The following STXBP5L variants were observed in gnomAD, a reference collection of about 807,000 sequenced individuals.
The protein encoded by STXBP5L is syntaxin binding protein 5L.
Under a neutral mutation model 144.5 loss-of-function variants are expected in STXBP5L, and 65 were observed. The observed-to-expected ratio is 0.45, with a 90% CI of 0.37 to 0.55. STXBP5L has a LOEUF of 0.55. Among genes scored for constraint, STXBP5L ranks in the 20% least tolerant of loss-of-function variants. STXBP5L has a pLI of 0.00. For synonymous variants in STXBP5L, 505 were observed against 469.6 expected, an observed-to-expected ratio of 1.08 and a Z score of -0.97; for missense variants, 1,298 against 1,405.5, an observed-to-expected ratio of 0.92 and a Z score of 1.22.
intron 3 of STXBP5L, among the ~76,000 whole-genome samples, chr3:121,018,617 A>G (rs1945313497): frequency 6.6e-6 from 1 of 152,148 alleles, no homozygotes; most frequent in African/African-American, 2.4e-5. Context: ...GTAAAACACA[A>G]AATTATAAAA....
At chr3:120,933,679 G>A (rs1283358982) in intron 2 of STXBP5L, among the ~76,000 whole-genome samples, 1 of 152,086 alleles carries the variant, frequency 6.6e-6, no homozygotes, top group Non-Finnish European at 1.5e-5. Flanking sequence ...GTATTTACTT[G>A]CTTTCATGTG....
intron 18 of STXBP5L, among the ~76,000 whole-genome samples, chr3:121,277,898 G>C (rs2050935055): frequency 6.6e-6 from 1 of 152,018 alleles, no homozygotes; most frequent in African/African-American, 2.4e-5. Context: ...CCTTGTGTGA[G>C]CTCTGGGAAT....
At chr3:121,240,617 G>A in intron 14 of STXBP5L, 110 bp downstream of exon 14, 1 of 992,472 alleles carries the variant, frequency 1.0e-6, no homozygotes, top group Non-Finnish European at 1.5e-6. Context: ...TTAAGTAAAA[G>A]TAAAAATATA....
chr3:121,043,975 A>C (rs1481094635), intron 4 of STXBP5L, among the ~76,000 whole-genome samples: 1 of 152,196 alleles, frequency 6.6e-6, no homozygotes, highest in East Asian at 1.9e-4. Flanking sequence ...AGTGTAACTC[A>C]TCAAATGCTT....
At chr3:120,938,553 C>T (rs936768794) in intron 2 of STXBP5L, among the ~76,000 whole-genome samples, 1 of 152,164 alleles carries the variant, frequency 6.6e-6, no homozygotes, top group Non-Finnish European at 1.5e-5. Flanking sequence ...TGGTTATTAT[C>T]CTGTGGTTCC....
intron 22 of STXBP5L, among the ~76,000 whole-genome samples, chr3:121,386,074 C>T (rs1576332372): frequency 6.6e-6 from 1 of 152,050 alleles, no homozygotes; most frequent in African/African-American, 2.4e-5. Context: ...GAAATTCACA[C>T]ATTTTATCTC....
chr3:120,919,066 A>G (rs1045693693), intron 2 of STXBP5L, among the ~76,000 whole-genome samples: 3 of 152,152 alleles, frequency 2.0e-5, no homozygotes, highest in Non-Finnish European at 2.9e-5. Context: ...ACTATAGGAT[A>G]GGCTTTGCTG....
Position 121,259,115 on chromosome 3 carries a change from T to C in STXBP5L, c.1905T>C (p.Asp635=). The C allele has an allele frequency of 6.2e-7, 1 of 1,605,256 alleles. No individual in the cohort carries two copies. Among genetic ancestry groups the C allele is most frequent in the Non-Finnish European group, 8.5e-7 (1 of 1,174,890 alleles). The change falls in exon 18 of 27, where the codon GAT becomes GAC. Residue 635 remains aspartate (D), a synonymous_variant. Transcript: ENST00000471454. ...TTGTTATTCAATTGGTGTGGGTAGA[T>C]GGTGAACCTCCACAACAGATTACTA... ...AELVIQLVWV[D]GEPPQQITSL... is the part of the protein sequence containing the mutation.
intron 19 of STXBP5L, among the ~76,000 whole-genome samples, chr3:121,310,201 C>T (rs887689492): frequency 6.6e-6 from 1 of 152,180 alleles, no homozygotes; most frequent in African/African-American, 2.4e-5. Context: ...AGAATAATAT[C>T]TTCATGATCA....
intron 3 of STXBP5L, among the ~76,000 whole-genome samples, chr3:120,970,999 A>G (rs9859729): frequency 0.099 from 15,071 of 152,102 alleles, 1,162 homozygotes; most frequent in Admixed American, 0.2. Context: ...ACCAAATGTT[A>G]GACATTGCCC....
At chr3:121,401,393 G>A (rs867703302) in intron 22 of STXBP5L, among the ~76,000 whole-genome samples, 2 of 150,232 alleles carry the variant, frequency 1.3e-5, no homozygotes, top group Non-Finnish European at 1.5e-5. Context: ...CCCATTACTG[G>A]GTATATACCC....
At chr3:120,967,623 T>G (rs954200529) in intron 3 of STXBP5L, among the ~76,000 whole-genome samples, 2 of 152,206 alleles carry the variant, frequency 1.3e-5, no homozygotes, top group African/African-American at 4.8e-5. Flanking sequence ...GTTTATTATT[T>G]CTTTCCTTCT....
chr3:121,171,887 T>C (rs528672237), intron 9 of STXBP5L, among the ~76,000 whole-genome samples: 1 of 152,318 alleles, frequency 6.6e-6, no homozygotes, highest in Admixed American at 6.5e-5. Context: ...AGAGCCTGTA[T>C]AGCCAAGACA....
chr3:121,371,713 G>A (rs1333575604), intron 20 of STXBP5L, among the ~76,000 whole-genome samples: 1 of 152,226 alleles, frequency 6.6e-6, no homozygotes, highest in Non-Finnish European at 1.5e-5. Context: ...ACCGGTGGGT[G>A]CTGTGTGTGC....
At chr3:121,163,584 T>A (rs2046397414) in intron 9 of STXBP5L, among the ~76,000 whole-genome samples, 1 of 151,804 alleles carries the variant, frequency 6.6e-6, no homozygotes, top group African/African-American at 2.4e-5. Context: ...GAGCTTAAAA[T>A]TTAATAAACA....
At chr3:121,113,964 G>C (rs111589677) in intron 5 of STXBP5L, among the ~76,000 whole-genome samples, 2 of 151,972 alleles carry the variant, frequency 1.3e-5, no homozygotes, top group Non-Finnish European at 2.9e-5. Context: ...GAGCCACCGC[G>C]CCTGGCCTTT....
At chr3:121,133,439 G>A (rs1034551235) in intron 7 of STXBP5L, among the ~76,000 whole-genome samples, 1 of 152,114 alleles carries the variant, frequency 6.6e-6, no homozygotes, top group African/African-American at 2.4e-5. Flanking sequence ...ACAGTTTTTA[G>A]CAGAAAAATT....
Position 121,238,952 on chromosome 3 carries a change from T to C in STXBP5L, c.1185-19T>C, listed in dbSNP as rs1266458201. 3.9e-6 allele frequency: 6 copies of C among 1,542,668 alleles called. No homozygotes were observed. The highest frequency in any genetic ancestry group is 5.3e-6 in the Non-Finnish European group (6 of 1,131,384). The stretch of plus-strand genomic sequence containing the variant: ...TTTTCTTTGTAAAATAACACTGATA[T>C]ATTGTCTTTATCTATTAGTTTTCCA... On this transcript the variant is annotated intron_variant, in intron 12 of 26. Coordinates refer to ENST00000471454, the MANE Select transcript of STXBP5L (RefSeq NM_001308330.2).
intron 5 of STXBP5L, among the ~76,000 whole-genome samples, chr3:121,106,389 A>G (rs918084168): frequency 1.7e-4 from 26 of 152,168 alleles, no homozygotes; most frequent in African/African-American, 6.3e-4. Context: ...GCTATTTATT[A>G]TGACACTTTC....
Sources: allele counts gnomAD v4.1 joint callset (sites outside exome capture counted in the v4.1 genomes callset), GRCh38; gene constraint gnomAD v4.1.1; transcripts MANE v1.5; gene names NCBI Gene and HGNC (gene_info 2026-07-23, HGNC 2026-07-21).